ANAPC5: variants seen among roughly 807,000 people sequenced by gnomAD.
ANAPC5 encodes the protein anaphase-promoting complex subunit 5.
In ANAPC5, 60 loss-of-function variants were observed where a neutral mutation model predicts 91.3. That is an observed-to-expected ratio of 0.66 (90% confidence interval 0.53 to 0.81). The LOEUF is 0.81. Ranked by LOEUF, ANAPC5 falls within the 40% of genes least tolerant of loss-of-function variation. The probability of loss-of-function intolerance (pLI) is 0.00; values close to 1 mark genes in which losing one functional copy is unlikely to be tolerated. For missense variants in ANAPC5, 690 were observed against 931.5 expected (o/e 0.74, Z 3.37); for synonymous variants, 340 against 364.1 (o/e 0.93, Z 0.75).
chr12:121,343,255 T>C (rs1449731265), intron 4 of ANAPC5, among the ~76,000 whole-genome samples: 2 of 152,192 alleles, frequency 1.3e-5, no homozygotes, highest in African/African-American at 4.8e-5. Flanking sequence ...TTTAAGCATA[T>C]AAAGTAGCTA....
chr12:121,324,870 A>AC (rs1555272149), intron 11 of ANAPC5, among the ~76,000 whole-genome samples: 1 of 152,126 alleles, frequency 6.6e-6, no homozygotes, highest in Non-Finnish European at 1.5e-5. Context: ...CAACAGTGAG[A>AC]CCCCATCTCT....
chr12:121,339,643 T>G (rs1903367218), intron 5 of ANAPC5, among the ~76,000 whole-genome samples: 1 of 151,836 alleles, frequency 6.6e-6, no homozygotes, highest in South Asian at 2.1e-4. Flanking sequence ...CTAGTTTTTG[T>G]GTTTTAATAG....
At chr12:121,324,296 G>A (rs1021475603) in intron 11 of ANAPC5, among the ~76,000 whole-genome samples, 6 of 152,060 alleles carry the variant, frequency 3.9e-5, no homozygotes, top group Non-Finnish European at 7.4e-5. Context: ...ATATCCACAC[G>A]GTTGATGTTC....
chr12:121,316,832 G>A (rs925096587), intron 15 of ANAPC5, among the ~76,000 whole-genome samples: 4 of 150,790 alleles, frequency 2.7e-5, no homozygotes, highest in African/African-American at 4.9e-5. Flanking sequence ...AGGTGGAAAC[G>A]ACTCAAATGC....
intron 2 of ANAPC5, chr12:121,347,236 A>G: frequency 2.0e-6 from 1 of 491,512 alleles, no homozygotes; most frequent in Non-Finnish European, 3.6e-6. Context: ...ACATCAACCA[A>G]TAAACATTCA....
At position 121,352,294 on chromosome 12, in the gene ANAPC5, T is replaced by C. The variant is rs782300017; in HGVS notation, c.47A>G (p.Asn16Ser). Residue 16 changes from asparagine to serine, a missense_variant, in exon 1 of 17, where the codon AAT becomes AGT. Coordinates refer to ENST00000261819, the MANE Select transcript of ANAPC5 (RefSeq NM_016237.5). Reference protein sequence around the residue: ...ESLYFNPMMTNGVVHANVFGI... With the variant: ...ESLYFNPMMTSGVVHANVFGI... Reference sequence around the variant, plus strand: ...GAACACATTGGCGTGCACAACCCCATTGGTCATCATGGGATTGAAGTAGAG... The same window carrying C: ...GAACACATTGGCGTGCACAACCCCACTGGTCATCATGGGATTGAAGTAGAG... 3.7e-6 allele frequency: 6 copies of C among 1,613,404 alleles called. No individual in the cohort carries two copies. In the South Asian group the frequency reaches 4.4e-5, roughly 12 times the overall value.
chr12:121,327,375 C>T, intron 10 of ANAPC5, 144 bp from the exon 11 acceptor site: 1 of 949,794 alleles, frequency 1.1e-6, no homozygotes. Flanking sequence ...CCTCCCAGTG[C>T]CAGCAACCTT....
In ANAPC5 at chr12:121,328,321, G is replaced by T; in HGVS notation, c.1299C>A (p.Gly433=). 1.9e-6 allele frequency: 3 copies of T among 1,613,658 alleles called. No homozygotes were observed. The highest frequency in any genetic ancestry group is 2.5e-6 in the Non-Finnish European group (3 of 1,179,964). ...AQKTAIWRLY[G]RSTMALQQAQ... is the part of the protein sequence containing the mutation. Reference sequence around the variant, plus strand: ...CAGGGCCTTGGGAGACCTACCTGCGGCCATACAGCCTCCAGATGGCCGTTT... The same window carrying T: ...CAGGGCCTTGGGAGACCTACCTGCGTCCATACAGCCTCCAGATGGCCGTTT... Residue 433 remains glycine, a synonymous_variant, in exon 10 of 17, where the codon GGC becomes GGA. Coordinates refer to ENST00000261819, the MANE Select transcript of ANAPC5 (RefSeq NM_016237.5).
chr12:121,314,479 CA>C (rs1902279071), intron 15 of ANAPC5, among the ~76,000 whole-genome samples: 1 of 151,876 alleles, frequency 6.6e-6, no homozygotes, highest in Admixed American at 6.6e-5. Flanking sequence ...TGACAAAATC[CA>C]ATACCTTTTC....
At chr12:121,322,047 G>A (rs189607276) in intron 11 of ANAPC5, among the ~76,000 whole-genome samples, 2 of 151,966 alleles carry the variant, frequency 1.3e-5, no homozygotes, top group African/African-American at 4.8e-5. Flanking sequence ...TGTATTTTTA[G>A]GAGAGACAGG....
chr12:121,331,381 T>C lies in ANAPC5; in HGVS notation c.998A>G (p.Glu333Gly). The change falls in exon 8 of 17, where the codon GAG (glutamate) becomes GGG (glycine). Residue 333 changes from glutamate to glycine, a missense_variant. Glu to Gly is a moderately conservative substitution (Grantham distance 98). Around this residue, in one of 5 missense-constraint regions of ANAPC5, gnomAD observed 83 missense variants for 150.8 expected, o/e 0.55. Transcript: ENST00000261819. ...CTGGAGACACACGTGATCGTTGGAC[T>C]CCTGGGCAATCCTAATTGCCTCCTG... ...ALQEAIRIAQ[E>G]SNDHVCLQHC... is the part of the protein sequence containing the mutation. 6.2e-7 allele frequency: 1 copy of C among 1,609,358 alleles called. No homozygotes were observed. Among genetic ancestry groups the C allele is most frequent in the Non-Finnish European group, 8.5e-7 (1 of 1,175,936 alleles).
rs1555275556 is a variant in ANAPC5 at position 121,352,378 on chromosome 12, G to A, written c.-38C>T. The A allele has an allele frequency of 1.3e-6, 2 of 1,540,464 alleles. No individual in the cohort carries two copies. The highest frequency in any genetic ancestry group is 1.9e-5 in the Admixed American group (1 of 52,146). On this transcript the variant is annotated 5_prime_UTR_variant, in exon 1 of 17. Transcript: ENST00000261819. Reference sequence around the variant, plus strand: ...CTAAGTCTCGGGCCCGCGGCGCGCTGCCGCCAGTTGTCACCACAAGGCACA... The same window carrying A: ...CTAAGTCTCGGGCCCGCGGCGCGCTACCGCCAGTTGTCACCACAAGGCACA...
chr12:121,353,167 TG>T (rs1447695066), upstream of ANAPC5, among the ~76,000 whole-genome samples: 1 of 152,156 alleles, frequency 6.6e-6, no homozygotes, highest in African/African-American at 2.4e-5. Context: ...ATCACCTCCA[TG>T]TGCTGAGTCA....
chr12:121,345,857 T>A lies in ANAPC5; in HGVS notation c.572A>T (p.Glu191Val), dbSNP rs782618623. Reference protein sequence around the residue: ...DEGERKMEKEELDVSVREEEV... With the variant: ...DEGERKMEKEVLDVSVREEEV... The stretch of plus-strand genomic sequence containing the variant: ...AAATTACCTTACAGATACATCAAGT[T>A]CTTCTTTTTCCATTTTTCTTTCACC... Residue 191 changes from glutamate (E) to valine (V), a missense_variant, in exon 4 of 17, where the codon GAA becomes GTA. Around this residue, in one of 5 missense-constraint regions of ANAPC5, gnomAD observed 238 missense variants for 264.9 expected, o/e 0.90. Coordinates refer to ENST00000261819, the MANE Select transcript of ANAPC5 (RefSeq NM_016237.5). 4 of 1,613,390 alleles carry A rather than the reference T, an allele frequency of 2.5e-6. No homozygotes were observed. Among genetic ancestry groups the A allele is most frequent in the Admixed American group, 1.7e-5 (1 of 59,772 alleles).
At chr12:121,330,838 A>G in intron 8 of ANAPC5, 166 bp from the exon 9 acceptor site, 2 of 558,440 alleles carry the variant, frequency 3.6e-6, no homozygotes. Flanking sequence ...CAAACATATC[A>G]ACATCATTAA....
chr12:121,346,084 C>A (rs113828403), intron 3 of ANAPC5, 53 bp from the exon 4 acceptor site: 32 of 1,427,164 alleles, frequency 2.2e-5, no homozygotes, highest in Non-Finnish European at 3.0e-5. Context: ...ATCCAGGCTA[C>A]GCAATGGCAA....
At chr12:121,327,254 A>T (rs1555272374) in intron 10 of ANAPC5, 23 bp from the exon 11 acceptor site, 20 of 1,609,276 alleles carry the variant, frequency 1.2e-5, no homozygotes, top group Non-Finnish European at 1.7e-5. Flanking sequence ...AGGGAACAGG[A>T]TTTCCTTTCA....
In ANAPC5 at chr12:121,337,408, G is replaced by A. The variant is rs74644631; in HGVS notation, c.658-16C>T. 36 of 1,561,726 alleles carry A rather than the reference G, an allele frequency of 2.3e-5. No individual in the cohort carries two copies. The South Asian group carries it at 3.8e-4, about 16-fold the overall frequency. ...GCAAAGAAGCCTGAAATTTAAAAAT[G>A]GTAACTCAGTAGAAAGAAAGGGTCA... On this transcript the variant is annotated splice_polypyrimidine_tract_variant and intron_variant, in intron 5 of 16. Coordinates refer to ENST00000261819, the MANE Select transcript of ANAPC5 (RefSeq NM_016237.5).
At chr12:121,352,457 A>T (rs544389213), upstream of ANAPC5, 124 of 824,988 alleles carry the variant, frequency 1.5e-4, 1 homozygote, top group Admixed American at 1.5e-3. Flanking sequence ...GGAAACAGAC[A>T]TCCGCGTGCT....
Sources: allele counts gnomAD v4.1 joint callset (sites outside exome capture counted in the v4.1 genomes callset), GRCh38; gene constraint gnomAD v4.1.1; regional missense constraint gnomAD v4.1.1; transcripts MANE v1.5; gene names NCBI Gene and HGNC (gene_info 2026-07-23, HGNC 2026-07-21).